NTM: variants seen among roughly 807,000 people sequenced by gnomAD.
The protein encoded by NTM is neurotrimin, also known as IgLON family member 2.
In NTM, 13 loss-of-function variants were observed where a neutral mutation model predicts 42.1. The ratio of observed to expected loss-of-function variants is 0.31; its 90% CI spans 0.20 to 0.49. The LOEUF (loss-of-function observed/expected upper bound fraction) is 0.49, where lower values mean the gene tolerates loss of function less well. Among genes scored for constraint, NTM ranks in the 20% least tolerant of loss-of-function variants. The probability of loss-of-function intolerance (pLI) is 0.99; values close to 1 mark genes in which losing one functional copy is unlikely to be tolerated. For missense variants in NTM, 373 were observed against 452.8 expected (o/e 0.82, Z 1.60); for synonymous variants, 187 against 179.2 (o/e 1.04, Z -0.35).
chr11:131,755,357 G>C (rs999825571), intron 1 of NTM, among the ~76,000 whole-genome samples: 2 of 152,080 alleles, frequency 1.3e-5, no homozygotes, highest in African/African-American at 4.8e-5. Flanking sequence ...GGGAGTGGAA[G>C]GGAGAACAAT....
chr11:131,572,843 A>G (rs746371445), intron 1 of NTM, among the ~76,000 whole-genome samples: 9 of 152,182 alleles, frequency 5.9e-5, no homozygotes, highest in Non-Finnish European at 1.3e-4. Flanking sequence ...TCTGCTGATG[A>G]AGGAGAATGT....
intron 4 of NTM, among the ~76,000 whole-genome samples, chr11:132,292,769 T>A (rs1358542808): frequency 1.2e-3 from 73 of 62,572 alleles, no homozygotes; most frequent in African/African-American, 4.6e-3. Context: ...ATAAATTTTA[T>A]CAAAAGGGAT....
Position 132,146,420 on chromosome 11 carries a change from C to T in NTM, c.306C>T (p.Ile102=), listed in dbSNP as rs985803043. Residue 102 remains isoleucine (I), a synonymous_variant, in exon 3 of 9, where the codon ATC becomes ATT. Transcript: ENST00000683400. The surrounding 1 kb of genome is among the most constrained non-coding windows in gnomAD (Gnocchi z 4.5). ...SNTQTQYSIE[I]QNVDVYDEGP... ...CCCAAACGCAGTACAGCATCGAGATCCAGAACGTGGATGTGTATGACGAGG... is the reference window on the plus strand; with the variant it reads ...CCCAAACGCAGTACAGCATCGAGATTCAGAACGTGGATGTGTATGACGAGG... 30 of 1,614,084 alleles carry T rather than the reference C, an allele frequency of 1.9e-5. No individual in the cohort carries two copies. The highest frequency in any genetic ancestry group is 2.5e-5 in the Non-Finnish European group (30 of 1,180,042).
At chr11:131,518,168 T>C (rs1481993157) in intron 1 of NTM, among the ~76,000 whole-genome samples, 1 of 152,196 alleles carries the variant, frequency 6.6e-6, no homozygotes, top group African/African-American at 2.4e-5. Context: ...CAGGCAGGCA[T>C]GATTCCTGTC....
intron 1 of NTM, among the ~76,000 whole-genome samples, chr11:131,401,046 T>C (rs1591564208): frequency 6.8e-6 from 1 of 146,876 alleles, no homozygotes; most frequent in Non-Finnish European, 1.5e-5. Flanking sequence ...GAGGCATGCA[T>C]AGACAGACAG....
At chr11:132,065,745 G>A (rs2056378332) in intron 2 of NTM, among the ~76,000 whole-genome samples, 1 of 152,082 alleles carries the variant, frequency 6.6e-6, no homozygotes, top group African/African-American at 2.4e-5. Context: ...TGGGTACTTG[G>A]TTAAGTTTAA....
intron 7 of NTM, among the ~76,000 whole-genome samples, chr11:132,326,064 GC>G (rs1360251121): frequency 2.0e-5 from 3 of 152,034 alleles, no homozygotes; most frequent in African/African-American, 7.3e-5. Context: ...TATACCTAAT[GC>G]TAAATGACGA....
intron 4 of NTM, among the ~76,000 whole-genome samples, chr11:132,292,099 A>G (rs924760624): frequency 1.3e-5 from 2 of 152,188 alleles, no homozygotes; most frequent in Admixed American, 6.5e-5. Flanking sequence ...AAGATTGAGG[A>G]GAAAGTCCAG....
intron 1 of NTM, among the ~76,000 whole-genome samples, chr11:131,718,895 T>A (rs1421721538): frequency 6.6e-6 from 1 of 152,114 alleles, no homozygotes; most frequent in Non-Finnish European, 1.5e-5. Flanking sequence ...TCAGGAGTAA[T>A]TATATTTCAT....
At chr11:131,378,647 C>G (rs556304752) in intron 1 of NTM, among the ~76,000 whole-genome samples, 1 of 152,184 alleles carries the variant, frequency 6.6e-6, no homozygotes, top group African/African-American at 2.4e-5. Context: ...CTCAATTGAT[C>G]AATTCCTAAG....
At chr11:131,815,125 C>A (rs2092899646) in intron 1 of NTM, among the ~76,000 whole-genome samples, 1 of 152,192 alleles carries the variant, frequency 6.6e-6, no homozygotes, top group African/African-American at 2.4e-5. Flanking sequence ...CAAGCTCGAA[C>A]TCCTCCGCTT....
intron 1 of NTM, among the ~76,000 whole-genome samples, chr11:131,628,026 T>C (rs1411326651): frequency 6.6e-6 from 1 of 152,162 alleles, no homozygotes; most frequent in South Asian, 2.1e-4. Context: ...CCCTGCAACT[T>C]AAATGTCTAT....
chr11:131,785,907 T>C (rs1054545958), intron 1 of NTM, among the ~76,000 whole-genome samples: 4 of 152,184 alleles, frequency 2.6e-5, no homozygotes, highest in Admixed American at 6.5e-5. Flanking sequence ...CGGTTTACGA[T>C]TGAATTTTCT....
chr11:131,656,565 G>A (rs1309789760), intron 1 of NTM, among the ~76,000 whole-genome samples: 1 of 152,216 alleles, frequency 6.6e-6, no homozygotes, highest in African/African-American at 2.4e-5. Flanking sequence ...TTGGCTACCT[G>A]TAGCCTGTGT....
chr11:131,738,437 A>T (rs1464353589), intron 1 of NTM, among the ~76,000 whole-genome samples: 1 of 152,246 alleles, frequency 6.6e-6, no homozygotes, highest in Non-Finnish European at 1.5e-5. Context: ...TTCACCTGCT[A>T]AAAATGGTCA....
chr11:131,371,010 T>C, intron 1 of NTM, 122 bp downstream of exon 1: 1 of 1,513,020 alleles, frequency 6.6e-7, no homozygotes, highest in South Asian at 1.3e-5. Flanking sequence ...AGAGAGCGTT[T>C]AGACAGCATG....
intron 1 of NTM, among the ~76,000 whole-genome samples, chr11:131,879,289 G>A (rs1339445283): frequency 1.3e-5 from 2 of 152,070 alleles, no homozygotes; most frequent in African/African-American, 4.8e-5. Flanking sequence ...TGCTTTCTTG[G>A]GGGCCTTCAC....
At chr11:132,205,507 C>A (rs1406018617) in intron 3 of NTM, among the ~76,000 whole-genome samples, 1 of 152,152 alleles carries the variant, frequency 6.6e-6, no homozygotes, top group Non-Finnish European at 1.5e-5. Flanking sequence ...TAAACATTAA[C>A]CTAATGTATT....
chr11:131,411,373 C>G (rs531036475), intron 1 of NTM, among the ~76,000 whole-genome samples: 1 of 152,216 alleles, frequency 6.6e-6, no homozygotes, highest in Admixed American at 6.5e-5. Flanking sequence ...CACGTCTAAG[C>G]TAAAGATTGC....
Sources: gnomAD v4.1 joint callset for allele counts (sites outside exome capture counted in the v4.1 genomes callset) on GRCh38, gnomAD v4.1.1 for gene constraint, Gnocchi (gnomAD v3.1) non-coding constraint, MANE v1.5 for transcripts, NCBI Gene and HGNC (gene_info 2026-07-23, HGNC 2026-07-21) for gene names.